SLC39A6: variants seen among roughly 807,000 people sequenced by gnomAD.
SLC39A6 encodes solute carrier family 39 member 6, also known as zinc transporter ZIP6.
SLC39A6 carries 51 observed loss-of-function variants against 63.5 expected under a neutral mutation model. That is an observed-to-expected ratio of 0.80 (90% CI 0.64 to 1.01). SLC39A6 has a LOEUF of 1.01. SLC39A6 is among the 50% of genes least tolerant of loss of function. SLC39A6 has a pLI of 0.00. For missense variants in SLC39A6, 805 were observed against 927.8 expected (o/e 0.87, Z 1.72); for synonymous variants, 318 against 324.7 (o/e 0.98, Z 0.22).
intron 6 of SLC39A6, among the ~76,000 whole-genome samples, chr18:36,115,461 AAACAACAACAACAAC>A (rs59445780): frequency 4.1e-5 from 6 of 147,484 alleles, no homozygotes; most frequent in Non-Finnish European, 7.4e-5. Flanking sequence ...AAAAAAATTA[AAACAACAACAACAAC>A]AACAACAACA....
At chr18:36,111,701 T>A (rs570074610) in intron 8 of SLC39A6, among the ~76,000 whole-genome samples, 2 of 152,296 alleles carry the variant, frequency 1.3e-5, no homozygotes, top group South Asian at 4.1e-4. Context: ...ACCAGGGTGG[T>A]TTTGAACTTC....
chr18:36,124,807 GA>G (rs1183800976), intron 2 of SLC39A6, 107 bp from the exon 3 acceptor site: 34 of 918,436 alleles, frequency 3.7e-5, no homozygotes, highest in African/African-American at 1.6e-5. Context: ...TCGAGTTAAT[GA>G]AAATTAAAAT....
intron 4 of SLC39A6, 95 bp from the exon 5 acceptor site, chr18:36,122,365 T>C: frequency 1.1e-6 from 1 of 874,268 alleles, no homozygotes; most frequent in East Asian, 2.4e-5. Context: ...AATCATTCAG[T>C]TATGCAATTA....
intron 5 of SLC39A6, among the ~76,000 whole-genome samples, chr18:36,118,309 C>T (rs554065367): frequency 1.2e-3 from 187 of 152,284 alleles, no homozygotes; most frequent in Middle Eastern, 3.4e-3. Context: ...TCTCATGGAG[C>T]TTACTATCCA....
chr18:36,125,508 A>C (rs1035730272), intron 2 of SLC39A6, among the ~76,000 whole-genome samples: 15 of 152,248 alleles, frequency 9.9e-5, no homozygotes, highest in African/African-American at 3.6e-4. Flanking sequence ...CACTACTAGG[A>C]TTAGTCCAGA....
intron 5 of SLC39A6, among the ~76,000 whole-genome samples, chr18:36,117,162 G>A (rs3786271): frequency 0.15 from 23,298 of 152,086 alleles, 1,909 homozygotes; most frequent in East Asian, 0.26. Flanking sequence ...GCTTGAACTC[G>A]GGAGGTGGAG....
chr18:36,128,804 A>C (rs537603237), intron 1 of SLC39A6, among the ~76,000 whole-genome samples: 4 of 152,332 alleles, frequency 2.6e-5, no homozygotes, highest in African/African-American at 9.6e-5. Flanking sequence ...GAGGGCACAA[A>C]GCTCTCTTCT....
In SLC39A6 at chr18:36,126,785, A is replaced by C. The variant is rs763848016; in HGVS notation, c.223T>G (p.Phe75Val). ...GENNSLSVEGFRKLLQNIGID... is the reference protein window; with the variant it reads ...GENNSLSVEGVRKLLQNIGID... Reference sequence around the variant, plus strand: ...CCTATATTTTGAAGTAATTTTCTGAACCCTTCAACTGACAAAGAATTATTT... The same window carrying C: ...CCTATATTTTGAAGTAATTTTCTGACCCCTTCAACTGACAAAGAATTATTT... Residue 75 changes from phenylalanine (F) to valine (V), a missense_variant, in exon 2 of 10, where the codon TTC becomes GTC. Phe to Val is a conservative substitution (Grantham distance 50). Transcript: ENST00000269187. 5 of 1,613,980 alleles carry C rather than the reference A, an allele frequency of 3.1e-6. No individual in the cohort carries two copies. The East Asian group carries it at 1.1e-4, about 36-fold the overall frequency.
At chr18:36,114,703 C>G (rs1480441723) in intron 6 of SLC39A6, among the ~76,000 whole-genome samples, 1 of 152,182 alleles carries the variant, frequency 6.6e-6, no homozygotes, top group East Asian at 1.9e-4. Flanking sequence ...TAAATGTTAA[C>G]CTTCAATAAC....
intron 6 of SLC39A6, among the ~76,000 whole-genome samples, chr18:36,115,461 A>G (rs1202533453): frequency 6.8e-6 from 1 of 147,484 alleles, no homozygotes; most frequent in South Asian, 2.1e-4. Context: ...AAAAAAATTA[A>G]AACAACAACA....
At chr18:36,123,710 TA>T in intron 3 of SLC39A6, 46 bp from the exon 4 acceptor site, 2 of 1,548,894 alleles carry the variant, frequency 1.3e-6, no homozygotes, top group Non-Finnish European at 1.7e-6. Flanking sequence ...ATACAACTAA[TA>T]AACTCTACAA....
chr18:36,115,155 G>A (rs2089333204), intron 6 of SLC39A6, among the ~76,000 whole-genome samples: 1 of 150,824 alleles, frequency 6.6e-6, no homozygotes, highest in Non-Finnish European at 1.5e-5. Flanking sequence ...AAAAACTGAA[G>A]AGGGGGCCGG....
At chr18:36,127,928 TTTAAA>T (rs1396163038) in intron 1 of SLC39A6, among the ~76,000 whole-genome samples, 5 of 152,122 alleles carry the variant, frequency 3.3e-5, no homozygotes, top group African/African-American at 1.2e-4. Context: ...AAGTGTATAC[TTTAAA>T]TACACATTGA....
chr18:36,114,015 T>C, intron 7 of SLC39A6, 82 bp downstream of exon 7: 1 of 1,484,768 alleles, frequency 6.7e-7, no homozygotes. Flanking sequence ...TAAACTAATC[T>C]ATTCTTTGTT....
intron 8 of SLC39A6, among the ~76,000 whole-genome samples, chr18:36,112,021 A>G (rs989109788): frequency 1.3e-5 from 2 of 152,246 alleles, no homozygotes; most frequent in Non-Finnish European, 2.9e-5. Context: ...ACACATGAAG[A>G]TGGAAATAAG....
At chr18:36,111,488 TTTTTC>T (rs1406071111) in intron 8 of SLC39A6, among the ~76,000 whole-genome samples, 2 of 123,266 alleles carry the variant, frequency 1.6e-5, no homozygotes, top group Admixed American at 8.4e-5. Context: ...ACTTTTTTTT[TTTTTC>T]TTTTTTTTGA....
rs1307521284 is a variant in SLC39A6 at position 36,112,520 on chromosome 18, A to C, written c.1905T>G (p.His635Gln). ...TCTTACCTAATTCATGAGGCAACTC[A>C]TGACAGAACACAGCAACAGAAGTAC... ...GLSTSVAVFCHELPHELGDFA... is the reference protein window; with the variant it reads ...GLSTSVAVFCQELPHELGDFA... The change falls in exon 8 of 10, where the codon CAT becomes CAG. Residue 635 changes from histidine to glutamine, a missense_variant. His to Gln is a conservative substitution (Grantham distance 24, BLOSUM62 0). This residue lies in a region of SLC39A6 where 145 missense variants were observed against 227.2 expected (regional missense o/e 0.64). Coordinates refer to ENST00000269187, the MANE Select transcript of SLC39A6 (RefSeq NM_012319.4). The C allele has an allele frequency of 6.2e-7, 1 of 1,613,318 alleles. No individual in the cohort carries two copies. Among genetic ancestry groups the C allele is most frequent in the South Asian group, 1.1e-5 (1 of 90,966 alleles).
At chr18:36,117,774 G>A (rs1474878174) in intron 5 of SLC39A6, among the ~76,000 whole-genome samples, 1 of 152,194 alleles carries the variant, frequency 6.6e-6, no homozygotes, top group Non-Finnish European at 1.5e-5. Flanking sequence ...GCGAACGCCT[G>A]TAATCCCAGC....
Position 36,126,965 on chromosome 18 carries a change from G to C in SLC39A6, c.43C>G (p.Leu15Val). The C allele has an allele frequency of 6.2e-7, 1 of 1,613,950 alleles. No individual in the cohort carries two copies. The highest frequency in any genetic ancestry group is 8.5e-7 in the Non-Finnish European group (1 of 1,179,970). The change falls in exon 2 of 10, where the codon CTC becomes GTC. Residue 15 changes from leucine to valine, a missense_variant. Coordinates refer to ENST00000269187, the MANE Select transcript of SLC39A6 (RefSeq NM_012319.4). ...TCATGAAGGGGATTTGTGACAGAGAGGGCAAAGGTCAGGATCAAGATTACA... is the reference window on the plus strand; with the variant it reads ...TCATGAAGGGGATTTGTGACAGAGACGGCAAAGGTCAGGATCAAGATTACA... ...LSVILILTFA[L>V]SVTNPLHELK...
Sources: gnomAD v4.1 joint callset for allele counts (sites outside exome capture counted in the v4.1 genomes callset) on GRCh38, gnomAD v4.1.1 for gene constraint, gnomAD v4.1.1 regional missense constraint, MANE v1.5 for transcripts, NCBI Gene and HGNC (gene_info 2026-07-23, HGNC 2026-07-21) for gene names.